CAMTA1: variants seen among roughly 807,000 people sequenced by gnomAD.
CAMTA1 encodes calmodulin binding transcription activator 1.
In CAMTA1, 27 loss-of-function variants were observed where a neutral mutation model predicts 170.9. The ratio of observed to expected loss-of-function variants is 0.16; its 90% confidence interval spans 0.12 to 0.22. The LOEUF is 0.22. Among genes scored for constraint, CAMTA1 ranks in the 10% least tolerant of loss-of-function variants. The pLI is 1.00. For synonymous variants in CAMTA1, 833 were observed against 891.5 expected (o/e 0.93, Z 1.17); for missense variants, 1,619 against 2,217.2 (o/e 0.73, Z 5.42).
intron 5 of CAMTA1, among the ~76,000 whole-genome samples, chr1:7,406,926 A>G (rs1296661626): frequency 1.3e-5 from 2 of 152,226 alleles, no homozygotes; most frequent in Non-Finnish European, 2.9e-5. Context: ...CGCACATCCA[A>G]CTGTGAGAGG....
At chr1:7,603,990 C>T (rs11588880) in intron 6 of CAMTA1, among the ~76,000 whole-genome samples, 20,368 of 151,996 alleles carry the variant, frequency 0.13, 1,456 homozygotes, top group African/African-American at 0.15. Context: ...TTCTTTTCTT[C>T]AAGAATGTTG....
At chr1:6,945,499 C>T (rs1424643540) in intron 3 of CAMTA1, among the ~76,000 whole-genome samples, 1 of 152,042 alleles carries the variant, frequency 6.6e-6, no homozygotes, top group Non-Finnish European at 1.5e-5. Flanking sequence ...CAGGTGTGCA[C>T]CACTACGCCT....
In CAMTA1 at chr1:7,289,061, C is replaced by T. The variant is rs370646630; in HGVS notation, c.438+39435C>T. ...AAAAGGAATCTAGCCCTTCACATGGCCAGAGCAGGAGGAAGAGAGGGGAGG... is the reference window on the plus strand; with the variant it reads ...AAAAGGAATCTAGCCCTTCACATGGTCAGAGCAGGAGGAAGAGAGGGGAGG... On this transcript the variant is annotated intron_variant, in intron 5 of 22. Transcript: ENST00000303635. Among the ~76,000 whole-genome samples, 26 of 152,152 alleles carry T rather than the reference C, an allele frequency of 1.7e-4. 1 individual carries two copies. In the South Asian group the frequency reaches 4.8e-3, roughly 28 times the overall value.
intron 10 of CAMTA1, chr1:7,671,969 T>C (rs2096064198): frequency 4.4e-6 from 2 of 455,618 alleles, no homozygotes; most frequent in African/African-American, 4.0e-5. Flanking sequence ...TCTCCAGGCA[T>C]CTGAAGCCTG....
At chr1:7,192,251 C>T (rs552292535) in intron 4 of CAMTA1, among the ~76,000 whole-genome samples, 21 of 152,226 alleles carry the variant, frequency 1.4e-4, no homozygotes, top group Non-Finnish European at 2.8e-4. Flanking sequence ...CTGCATCTTT[C>T]TCCACTTTGG....
intron 5 of CAMTA1, among the ~76,000 whole-genome samples, chr1:7,371,251 GTTTGTTTGTTTGTTT>G (rs2086444751): frequency 5.5e-5 from 1 of 18,198 alleles, no homozygotes; most frequent in African/African-American, 1.4e-4. Context: ...TTGTTTGTTT[GTTTGTTTGTTTGTTT>G]GTTTGTTTCG....
rs1370375245 is a variant in CAMTA1, at chr1:7,680,315, T to TC, written c.2914+2583dup. 5.4e-6 allele frequency: 1 copy of TC among 185,030 alleles called. No individual in the cohort carries two copies. Among genetic ancestry groups the TC allele is most frequent in the African/African-American group, 2.4e-5 (1 of 41,478 alleles). The allele number at this position is 185,030 out of a possible 1,614,324, so 11.5% of individuals were successfully genotyped here. A position where few individuals can be genotyped will look rare whatever the true frequency, so the allele number is the denominator to read the frequency against. On this transcript the variant is annotated intron_variant, in intron 11 of 22. Transcript: ENST00000303635. The surrounding 1 kb of genome is among the most constrained non-coding windows in gnomAD (Gnocchi z 4.4). ...CCGTCCCCGCGGGCGCTGGGCCGATTCTCCCTCCGCGCTGGCCAGGCCGTG... is the reference window on the plus strand; with the variant it reads ...CCGTCCCCGCGGGCGCTGGGCCGATTCCTCCCTCCGCGCTGGCCAGGCCGTG...
chr1:7,474,217 A>G (rs1035438847), intron 6 of CAMTA1, among the ~76,000 whole-genome samples: 1 of 127,580 alleles, frequency 7.8e-6, no homozygotes, highest in African/African-American at 3.0e-5. Context: ...GCCAACAGCA[A>G]AGAAGCAGCT....
At chr1:7,275,541 A>T (rs1305601871) in intron 5 of CAMTA1, among the ~76,000 whole-genome samples, 1 of 152,162 alleles carries the variant, frequency 6.6e-6, no homozygotes, top group Non-Finnish European at 1.5e-5. Context: ...ACAGAGAAAT[A>T]TACAAATTAT....
chr1:7,758,958 T>G (rs1353601857), intron 22 of CAMTA1, among the ~76,000 whole-genome samples: 1 of 142,950 alleles, frequency 7.0e-6, no homozygotes, highest in Non-Finnish European at 1.5e-5. Context: ...AAAAAAAAGA[T>G]AATATACTTA....
rs1358569255 is a variant in CAMTA1, at chr1:7,021,150, C to A, written c.235-70154C>A. Reference sequence around the variant, plus strand: ...ATGTTTTGAGAAACTCCCTTCAGGGCAATCAAGCCCTTGCCAAGTGGAATC... The same window carrying A: ...ATGTTTTGAGAAACTCCCTTCAGGGAAATCAAGCCCTTGCCAAGTGGAATC... On this transcript the variant is annotated intron_variant, in intron 3 of 22. Coordinates refer to ENST00000303635, the MANE Select transcript of CAMTA1 (RefSeq NM_015215.4). Among the ~76,000 whole-genome samples, 12 of 152,382 alleles carry A rather than the reference C, an allele frequency of 7.9e-5. No homozygotes were observed. In the East Asian group the frequency reaches 1.9e-3, roughly 24 times the overall value.
Position 7,562,400 on chromosome 1 carries a change from G to T in CAMTA1, c.511-78000G>T, listed in dbSNP as rs576382683. ...TGGTGGCAGCAGCAGGGCAGGCCGC[G>T]GCAGCTCAGCTAATTTAAGCTTTGT... is the stretch of plus-strand genomic sequence containing the variant. On this transcript the variant is annotated intron_variant, in intron 6 of 22. Transcript: ENST00000303635. The surrounding 1 kb of genome is among the most constrained non-coding windows in gnomAD (Gnocchi z 4.8). Among the ~76,000 whole-genome samples, 1 of 152,118 alleles carries T rather than the reference G, an allele frequency of 6.6e-6. No individual in the cohort carries two copies. The highest frequency in any genetic ancestry group is 1.5e-5 in the Non-Finnish European group (1 of 68,026).
chr1:7,698,080 C>G (rs896467279), intron 11 of CAMTA1, among the ~76,000 whole-genome samples: 3 of 139,778 alleles, frequency 2.1e-5, no homozygotes, highest in Admixed American at 7.0e-5. Context: ...TGTGACCCCC[C>G]CCCCCCCCAC....
At chr1:7,589,275 A>C (rs963516272) in intron 6 of CAMTA1, among the ~76,000 whole-genome samples, 5 of 152,170 alleles carry the variant, frequency 3.3e-5, no homozygotes, top group Admixed American at 6.5e-5. Context: ...GAGGGTGCCC[A>C]AGTAGGGGTG....
intron 1 of CAMTA1, among the ~76,000 whole-genome samples, chr1:6,801,178 G>T (rs1457643633): frequency 6.6e-6 from 1 of 152,244 alleles, no homozygotes; most frequent in Non-Finnish European, 1.5e-5. Context: ...GGCATTCTGG[G>T]AGGGAAGGAA....
Position 7,216,394 on chromosome 1 carries a change from T to C in CAMTA1, c.303-33097T>C, listed in dbSNP as rs1659751775. Among the ~76,000 whole-genome samples the C allele has an allele frequency of 1.3e-5, 2 of 152,232 alleles. No homozygotes were observed. The highest frequency in any genetic ancestry group is 4.8e-5 in the African/African-American group (2 of 41,456). On this transcript the variant is annotated intron_variant, in intron 4 of 22. Coordinates refer to ENST00000303635, the MANE Select transcript of CAMTA1 (RefSeq NM_015215.4). This position sits in a 1 kb window ranked among gnomAD's most constrained non-coding sequence, Gnocchi z 4.0. ...GATTATATTGTTTAGGGCTTCTGTG[T>C]CCTTACTTATTTTTTGTCTATCTGG...
chr1:7,309,697 T>TC (rs1252256266), intron 5 of CAMTA1, among the ~76,000 whole-genome samples: 3 of 152,096 alleles, frequency 2.0e-5, no homozygotes, highest in East Asian at 1.9e-4. Context: ...TTACATATTG[T>TC]GTTTTTTTAC....
chr1:7,348,219 C>T lies in CAMTA1; in HGVS notation c.438+98593C>T, dbSNP rs143415156. Reference sequence around the variant, plus strand: ...TTCGTCTTGTGGCCTCTGGTTCTCACGCCTTGCCTCAATTCCTCCTGGCCC... The same window carrying T: ...TTCGTCTTGTGGCCTCTGGTTCTCATGCCTTGCCTCAATTCCTCCTGGCCC... On this transcript the variant is annotated intron_variant, in intron 5 of 22. Transcript: ENST00000303635. 1.3e-3 allele frequency among the ~76,000 whole-genome samples: 194 copies of T among 152,344 alleles called. 1 individual carries two copies. Among genetic ancestry groups the T allele is most frequent in the African/African-American group, 4.5e-3 (185 of 41,572 alleles).
chr1:7,645,300 A>C (rs966856629), intron 7 of CAMTA1, among the ~76,000 whole-genome samples: 2 of 152,210 alleles, frequency 1.3e-5, no homozygotes, highest in African/African-American at 4.8e-5. Flanking sequence ...CCTTGGCTCC[A>C]CTGGAACCTA....
Sources: gnomAD v4.1 joint callset for allele counts (sites outside exome capture counted in the v4.1 genomes callset) on GRCh38, gnomAD v4.1.1 for gene constraint, Gnocchi (gnomAD v3.1) non-coding constraint, MANE v1.5 for transcripts, NCBI Gene and HGNC (gene_info 2026-07-23, HGNC 2026-07-21) for gene names.